NTRK2: variants seen among roughly 807,000 people sequenced by gnomAD.
NTRK2 encodes neurotrophic receptor tyrosine kinase 2.
In NTRK2, 13 loss-of-function variants were observed where a neutral mutation model predicts 94.5. That is an observed-to-expected ratio of 0.14 (90% CI 0.09 to 0.22). NTRK2 has a LOEUF of 0.22. Among genes scored for constraint, NTRK2 ranks in the 10% least tolerant of loss-of-function variants. The probability of loss-of-function intolerance (pLI) is 1.00; values close to 1 mark genes in which losing one functional copy is unlikely to be tolerated. For missense variants in NTRK2, 639 were observed against 1,071.2 expected (o/e 0.60, Z 5.63); for synonymous variants, 372 against 407.4 (o/e 0.91, Z 1.05).
At chr9:84,772,924 G>A (rs1018241025) in intron 12 of NTRK2, among the ~76,000 whole-genome samples, 3 of 152,170 alleles carry the variant, frequency 2.0e-5, no homozygotes, top group Non-Finnish European at 4.4e-5. Flanking sequence ...AGGCCTTTGT[G>A]CCCTGCTGTG....
chr9:84,688,821 G>A (rs1016355427), intron 2 of NTRK2, among the ~76,000 whole-genome samples: 3 of 152,190 alleles, frequency 2.0e-5, no homozygotes, highest in Non-Finnish European at 4.4e-5. Context: ...GAATATGTCA[G>A]TAGACATGCA....
chr9:84,842,959 G>C (rs1587631878), intron 12 of NTRK2, among the ~76,000 whole-genome samples: 2 of 152,152 alleles, frequency 1.3e-5, no homozygotes, highest in African/African-American at 4.8e-5. Flanking sequence ...CCATGATCCA[G>C]TCTTTTTGAA....
At chr9:84,767,175 G>A (rs772857039) in intron 12 of NTRK2, among the ~76,000 whole-genome samples, 1 of 152,124 alleles carries the variant, frequency 6.6e-6, no homozygotes, top group Non-Finnish European at 1.5e-5. Context: ...TAATTGCAAG[G>A]CTAATATAAT....
chr9:84,675,963 G>A (rs11140731), intron 2 of NTRK2, among the ~76,000 whole-genome samples: 1 of 152,200 alleles, frequency 6.6e-6, no homozygotes, highest in African/African-American at 2.4e-5. Flanking sequence ...AGATGGATGA[G>A]TGAATGTGCT....
chr9:84,771,975 A>G (rs1293777473), intron 12 of NTRK2, among the ~76,000 whole-genome samples: 2 of 152,208 alleles, frequency 1.3e-5, no homozygotes, highest in Non-Finnish European at 2.9e-5. Flanking sequence ...GGCAAGATAG[A>G]GTAGCAGAAG....
At chr9:84,910,356 T>C (rs1247737809) in intron 14 of NTRK2, among the ~76,000 whole-genome samples, 1 of 152,146 alleles carries the variant, frequency 6.6e-6, no homozygotes, top group East Asian at 1.9e-4. Context: ...CCTTCCCTTG[T>C]CTCTTGTCTT....
intron 2 of NTRK2, among the ~76,000 whole-genome samples, chr9:84,689,581 T>G (rs966091207): frequency 6.6e-5 from 10 of 152,178 alleles, no homozygotes; most frequent in Admixed American, 6.5e-4. Context: ...CTTTAAAACA[T>G]AGACATCTTA....
At chr9:84,919,890 T>C (rs986760249) in intron 14 of NTRK2, among the ~76,000 whole-genome samples, 11 of 152,332 alleles carry the variant, frequency 7.2e-5, no homozygotes, top group Middle Eastern at 3.4e-3. Context: ...ATTCCCACTT[T>C]GCACCTAGAA....
chr9:84,866,205 A>C (rs2075584954), intron 13 of NTRK2, among the ~76,000 whole-genome samples: 1 of 152,220 alleles, frequency 6.6e-6, no homozygotes, highest in Admixed American at 6.5e-5. Flanking sequence ...TACTCACAGA[A>C]TATGAAGAAA....
intron 16 of NTRK2, among the ~76,000 whole-genome samples, chr9:84,950,571 G>A (rs1219166834): frequency 6.9e-6 from 1 of 144,478 alleles, no homozygotes; most frequent in African/African-American, 2.6e-5. Flanking sequence ...TCCTCTCTAA[G>A]TTTTATCTGG....
At chr9:84,872,053 A>G in intron 14 of NTRK2, 1 of 1,392,360 alleles carries the variant, frequency 7.2e-7, no homozygotes, top group Non-Finnish European at 9.4e-7. Context: ...CTATAGACCC[A>G]TCTCCTCGAT....
At chr9:84,866,719 C>T (rs2075612312) in intron 13 of NTRK2, among the ~76,000 whole-genome samples, 1 of 152,006 alleles carries the variant, frequency 6.6e-6, no homozygotes, top group African/African-American at 2.4e-5. Flanking sequence ...GTAATTCCAC[C>T]CAAGAGAAAT....
chr9:84,740,552 G>A (rs564383712), intron 9 of NTRK2, among the ~76,000 whole-genome samples: 1 of 152,348 alleles, frequency 6.6e-6, no homozygotes, highest in Non-Finnish European at 1.5e-5. Flanking sequence ...GGTGTGCACT[G>A]CACAATTTCC....
chr9:85,009,421 C>G (rs1212957406), intron 17 of NTRK2, among the ~76,000 whole-genome samples: 1 of 152,194 alleles, frequency 6.6e-6, no homozygotes, highest in Admixed American at 6.5e-5. Context: ...ACAGTGACTT[C>G]CCTAACACTG....
chr9:84,687,656 G>T (rs2059799076), intron 2 of NTRK2, among the ~76,000 whole-genome samples: 1 of 152,174 alleles, frequency 6.6e-6, no homozygotes, highest in Non-Finnish European at 1.5e-5. Flanking sequence ...CCCATGGGTA[G>T]CTCAAATTGA....
chr9:84,705,242 G>A (rs2060974562), intron 4 of NTRK2, among the ~76,000 whole-genome samples: 1 of 152,026 alleles, frequency 6.6e-6, no homozygotes, highest in African/African-American at 2.4e-5. Context: ...GGACTGCCCA[G>A]AGCCCCAGAG....
chr9:84,854,422 A>T (rs2074956041), intron 12 of NTRK2, among the ~76,000 whole-genome samples: 1 of 152,120 alleles, frequency 6.6e-6, no homozygotes, highest in African/African-American at 2.4e-5. Context: ...GTCTGTTTCT[A>T]GGGGAGCTGG....
chr9:84,861,230 T>C, intron 13 of NTRK2, 143 bp downstream of exon 13: 1 of 684,950 alleles, frequency 1.5e-6, no homozygotes, highest in Non-Finnish European at 2.5e-6. Context: ...AAGAAGTAGG[T>C]CTAGAATTTT....
At chr9:84,988,923 G>A (rs1046821795) in intron 17 of NTRK2, among the ~76,000 whole-genome samples, 7 of 152,318 alleles carry the variant, frequency 4.6e-5, no homozygotes, top group African/African-American at 1.7e-4. Context: ...AATGGCATAA[G>A]GTGACAGATA....
Sources: gnomAD v4.1 joint callset for allele counts (sites outside exome capture counted in the v4.1 genomes callset) on GRCh38, gnomAD v4.1.1 for gene constraint, MANE v1.5 for transcripts, NCBI Gene and HGNC (gene_info 2026-07-23, HGNC 2026-07-21) for gene names.